The following DUSP15 variants were observed in gnomAD, a reference collection of about 807,000 sequenced individuals.
DUSP15 encodes dual specificity protein phosphatase 15.
In DUSP15, 23 loss-of-function variants were observed where a neutral mutation model predicts 26.3. That is an observed-to-expected ratio of 0.87 (90% CI 0.63 to 1.24). The LOEUF (loss-of-function observed/expected upper bound fraction) is 1.24, where lower values mean the gene tolerates loss of function less well. Among genes scored for constraint, DUSP15 ranks in the 50% most tolerant of loss-of-function variants. The probability of loss-of-function intolerance (pLI) is 0.00; values close to 1 mark genes in which losing one functional copy is unlikely to be tolerated. For synonymous variants in DUSP15, 143 were observed against 135.5 expected, an observed-to-expected ratio of 1.06 and a Z score of -0.39; for missense variants, 364 against 320.6, an observed-to-expected ratio of 1.14 and a Z score of -1.03.
Position 31,870,165 on chromosome 20 carries a change from A to G in DUSP15, c.21+152T>C. ...AGGGTCAGAGAGGGGGAGACCCGAC[A>G]GCCGCGGTCTCGAGTCACAGGGACA... On this transcript the variant is annotated intron_variant, in intron 1 of 6. Transcript: ENST00000339738. The surrounding 1 kb of genome is among the most constrained non-coding windows in gnomAD (Gnocchi z 6.6). 3 of 1,225,760 alleles carry G rather than the reference A, an allele frequency of 2.4e-6. No homozygotes were observed. The highest frequency in any genetic ancestry group is 3.1e-6 in the Non-Finnish European group (3 of 983,546). The allele number at this position is 1,225,760 out of a possible 1,614,324, so 75.9% of individuals were successfully genotyped here.
chr20:31,869,188 G>C (rs921622122), intron 2 of DUSP15, among the ~76,000 whole-genome samples: 1 of 152,228 alleles, frequency 6.6e-6, no homozygotes, highest in African/African-American at 2.4e-5. Flanking sequence ...AGAGTGCTCA[G>C]CAGCTGGTGG....
Position 31,861,409 on chromosome 20 carries a change from GC to G in DUSP15, c.701del (p.Gly234AlafsTer41). 1 of 1,556,120 alleles carries G rather than the reference GC, an allele frequency of 6.4e-7. No individual in the cohort carries two copies. Among genetic ancestry groups the G allele is most frequent in the Non-Finnish European group, 8.6e-7 (1 of 1,161,458 alleles). ...CCACGGCTGGACTGCATCCTCACTTGCCGCCCTTGCGGGACAGACACCGGGG... is the reference window on the plus strand; with the variant it reads ...CCACGGCTGGACTGCATCCTCACTTGCGCCCTTGCGGGACAGACACCGGGG... ...CLPRCLSRKGGK is the reference protein window; with the variant it reads ...CLPRCLSRKGXK On this transcript the variant is annotated frameshift_variant, in exon 7 of 7. Coordinates refer to ENST00000339738, the MANE Select transcript of DUSP15 (RefSeq NM_080611.5). LOFTEE classifies it high-confidence loss of function.
rs2062644013 is a variant in DUSP15 at position 31,861,334 on chromosome 20, G to T, written c.*69C>A. 1.5e-5 allele frequency: 21 copies of T among 1,424,250 alleles called. No individual in the cohort carries two copies. The highest frequency in any genetic ancestry group is 8.8e-5 in the South Asian group (6 of 68,152). The allele number at this position is 1,424,250 out of a possible 1,614,324, so 88.2% of individuals were successfully genotyped here. On this transcript the variant is annotated 3_prime_UTR_variant, in exon 7 of 7. Coordinates refer to ENST00000339738, the MANE Select transcript of DUSP15 (RefSeq NM_080611.5). ...CCAGCCTCTGGGCCCGTCCTGGGGG[G>T]CGTGGAAGGCGCAGACAGCCCCCGA...
intron 2 of DUSP15, among the ~76,000 whole-genome samples, chr20:31,867,651 T>TTG (rs2062802109): frequency 7.2e-6 from 1 of 139,126 alleles, no homozygotes; most frequent in Non-Finnish European, 1.5e-5. Flanking sequence ...TTTTTTTTTT[T>TTG]TTTTTTTTTT....
intron 6 of DUSP15, among the ~76,000 whole-genome samples, chr20:31,851,732 G>C (rs895090697): frequency 3.9e-5 from 6 of 152,240 alleles, no homozygotes; most frequent in African/African-American, 1.2e-4. Context: ...AGCTGGCAAG[G>C]CTGCAGGGGC....
chr20:31,870,025 T>G lies in DUSP15; in HGVS notation c.21+292A>C. 7.6e-7 allele frequency: 1 copy of G among 1,321,278 alleles called. No individual in the cohort carries two copies. Among genetic ancestry groups the G allele is most frequent in the East Asian group, 2.9e-5 (1 of 34,978 alleles). 81.8% of individuals were successfully genotyped at this position (1,321,278 alleles called of 1,614,324 possible). A position where few individuals can be genotyped will look rare whatever the true frequency, so the allele number is the denominator to read the frequency against. ...GTCAGCGACAAGGGAGAGGGACACA[T>G]GCAGACGGAGAGCAGGACTCACTGG... is the stretch of plus-strand genomic sequence containing the variant. On this transcript the variant is annotated intron_variant, in intron 1 of 6. Coordinates refer to ENST00000339738, the MANE Select transcript of DUSP15 (RefSeq NM_080611.5). The surrounding 1 kb of genome is among the most constrained non-coding windows in gnomAD (Gnocchi z 6.6).
chr20:31,848,240 C>T (rs1332602093), exon 10 of DUSP15: 1 of 647,102 alleles, frequency 1.5e-6, no homozygotes, highest in Admixed American at 3.9e-5. Context: ...GGCGGTGTGG[C>T]CTACTCTCGA....
downstream of DUSP15, among the ~76,000 whole-genome samples, chr20:31,859,308 G>A (rs1377354789): frequency 1.3e-5 from 2 of 149,798 alleles, no homozygotes; most frequent in Non-Finnish European, 3.0e-5. Context: ...TTGGGGGGGG[G>A]GGATTTGCAT....
chr20:31,869,433 C>G, intron 2 of DUSP15, 131 bp downstream of exon 2: 7 of 1,270,264 alleles, frequency 5.5e-6, no homozygotes, highest in Non-Finnish European at 7.8e-6. Context: ...GCCTTTTCCC[C>G]CTCCCAGCCT....
intron 6 of DUSP15, chr20:31,850,762 C>CCA: frequency 7.1e-7 from 1 of 1,410,134 alleles, no homozygotes; most frequent in Admixed American, 1.9e-5. Context: ...GGAGGCAGGG[C>CCA]TGGGTGAGGA....
chr20:31,849,552 C>G (rs1312751963), intron 8 of DUSP15: 1 of 992,606 alleles, frequency 1.0e-6, no homozygotes, highest in East Asian at 2.4e-5. Context: ...TGGAGGAAGC[C>G]GCGTGTGTTC....
intron 6 of DUSP15, 115 bp downstream of exon 6, chr20:31,862,456 C>T (rs1397849492): frequency 7.7e-7 from 1 of 1,290,468 alleles, no homozygotes; most frequent in Non-Finnish European, 1.1e-6. Context: ...GTTTGAGACC[C>T]TAGAAAAATC....
downstream of DUSP15, among the ~76,000 whole-genome samples, chr20:31,856,504 C>T (rs1472622350): frequency 2.0e-5 from 3 of 152,120 alleles, no homozygotes; most frequent in African/African-American, 4.8e-5. Context: ...TGAGAGCTGA[C>T]AGAAATGGGT....
At chr20:31,848,127 G>A (rs1186133184) in exon 10 of DUSP15, 1 of 442,042 alleles carries the variant, frequency 2.3e-6, no homozygotes, top group Non-Finnish European at 4.0e-6. Context: ...GACAAATTGG[G>A]CTGTCAGCAA....
rs932128083 is a variant in DUSP15 at position 31,862,439 on chromosome 20, G to T, written c.435+132C>A. ...ACCTAGGAGGTGGATTAGCTCAAAG[G>T]CCATGAGTTTGAGACCCTAGAAAAA... On this transcript the variant is annotated intron_variant, in intron 6 of 6. Transcript: ENST00000339738. 6 of 1,058,816 alleles carry T rather than the reference G, an allele frequency of 5.7e-6. No individual in the cohort carries two copies. In the East Asian group the frequency reaches 9.9e-5, roughly 17 times the overall value. The allele number at this position is 1,058,816 out of a possible 1,614,324, so 65.6% of individuals were successfully genotyped here. A position where few individuals can be genotyped will look rare whatever the true frequency, so the allele number is the denominator to read the frequency against.
chr20:31,861,607 C>CAG lies in DUSP15; in HGVS notation c.502_503dup (p.Leu169CysfsTer107). The CAG allele has an allele frequency of 2.0e-6, 3 of 1,492,684 alleles. No individual in the cohort carries two copies. The highest frequency in any genetic ancestry group is 2.7e-6 in the Non-Finnish European group (3 of 1,129,780). The allele number at this position is 1,492,684 out of a possible 1,614,324, so 92.5% of individuals were successfully genotyped here. Reference sequence around the variant, plus strand: ...GCCGGCAGCGCTTGCACAGCGGCAGCAGCGCGCGCAACTCCTCCTCGTCGC... The same window carrying CAG: ...GCCGGCAGCGCTTGCACAGCGGCAGCAGAGCGCGCGCAACTCCTCCTCGTCGC... On this transcript the variant is annotated frameshift_variant, in exon 7 of 7. Coordinates refer to ENST00000339738, the MANE Select transcript of DUSP15 (RefSeq NM_080611.5). LOFTEE classifies it high-confidence loss of function.
intron 1 of DUSP15, 63 bp from the exon 2 acceptor site, chr20:31,869,660 A>T (rs929772271): frequency 1.3e-6 from 2 of 1,592,158 alleles, no homozygotes; most frequent in South Asian, 1.1e-5. Context: ...CCCCCAGGGC[A>T]GCTGGGGGGC....
At position 31,867,067 on chromosome 20, in the gene DUSP15, G is replaced by A; in HGVS notation, c.138+4C>T. On this transcript the variant is annotated splice_donor_region_variant and intron_variant, in intron 3 of 6. Coordinates refer to ENST00000339738, the MANE Select transcript of DUSP15 (RefSeq NM_080611.5). ...CATAGCCCTGGGATGGGGGTAAGAA[G>A]TACCTGCAGCAGAGGCTGGGGTGAC... The A allele has an allele frequency of 6.3e-7, 1 of 1,577,264 alleles. No homozygotes were observed. The highest frequency in any genetic ancestry group is 8.6e-7 in the Non-Finnish European group (1 of 1,160,236).
intron 6 of DUSP15, among the ~76,000 whole-genome samples, chr20:31,854,001 A>C (rs1600443639): frequency 6.6e-6 from 1 of 152,170 alleles, no homozygotes; most frequent in East Asian, 1.9e-4. Flanking sequence ...AGCTGGGGAA[A>C]GGTGTTCCAG....
Sources: allele counts gnomAD v4.1 joint callset (sites outside exome capture counted in the v4.1 genomes callset), GRCh38; gene constraint gnomAD v4.1.1; non-coding constraint Gnocchi (gnomAD v3.1); transcripts MANE v1.5; gene names NCBI Gene and HGNC (gene_info 2026-07-23, HGNC 2026-07-21).